ELP6: variants seen among roughly 807,000 people sequenced by gnomAD.
The protein encoded by ELP6 is elongator acetyltransferase complex subunit 6.
A neutral mutation model predicts 28.1 loss-of-function variants in ELP6; 23 were observed. The ratio of observed to expected loss-of-function variants is 0.82; its 90% confidence interval spans 0.59 to 1.16. The LOEUF is 1.16. Among genes scored for constraint, ELP6 ranks in the 50% most tolerant of loss-of-function variants. ELP6 has a pLI of 0.00. For missense variants in ELP6, 313 were observed against 334.6 expected, an observed-to-expected ratio of 0.94 and a Z score of 0.50; for synonymous variants, 132 against 135.8, an observed-to-expected ratio of 0.97 and a Z score of 0.19.
At chr3:47,513,150 C>T (rs2108148127) in intron 1 of ELP6, 1 of 886,602 alleles carries the variant, frequency 1.1e-6, no homozygotes, top group South Asian at 4.2e-5. Context: ...GCCACCACGC[C>T]CGGCTAATTT....
intron 6 of ELP6, 34 bp from the exon 7 acceptor site, chr3:47,496,231 C>A: frequency 1.2e-6 from 2 of 1,609,806 alleles, no homozygotes; most frequent in South Asian, 1.1e-5. Context: ...AGAGGAGCAG[C>A]CACCCCAGGA....
intron 5 of ELP6, chr3:47,499,742 A>G: frequency 4.0e-6 from 4 of 1,006,526 alleles, no homozygotes; most frequent in Non-Finnish European, 4.7e-6. Context: ...AAAAAGAATA[A>G]GTGGCTCCTG....
intron 3 of ELP6, among the ~76,000 whole-genome samples, chr3:47,506,056 G>C (rs1294017467): frequency 6.6e-6 from 1 of 152,176 alleles, no homozygotes; most frequent in Non-Finnish European, 1.5e-5. Context: ...ACAAAAGAGA[G>C]AAATTTTAAA....
chr3:47,509,033 G>C (rs1378347369), intron 3 of ELP6, among the ~76,000 whole-genome samples: 3 of 151,982 alleles, frequency 2.0e-5, no homozygotes, highest in African/African-American at 7.3e-5. Flanking sequence ...CAAAGTGCTG[G>C]GATTACAGGT....
At chr3:47,510,093 T>C in intron 3 of ELP6, 91 bp downstream of exon 3, 1 of 1,078,770 alleles carries the variant, frequency 9.3e-7, no homozygotes, top group Non-Finnish European at 1.4e-6. Flanking sequence ...TGCTAAGTTC[T>C]GTACAATGCA....
chr3:47,508,837 T>G (rs1050449373), intron 3 of ELP6, among the ~76,000 whole-genome samples: 8 of 149,228 alleles, frequency 5.4e-5, no homozygotes, highest in East Asian at 2.0e-4. Flanking sequence ...TGATCTCAGC[T>G]CACTGCAAGC....
chr3:47,508,544 C>T (rs1231721063), intron 3 of ELP6, among the ~76,000 whole-genome samples: 1 of 152,060 alleles, frequency 6.6e-6, no homozygotes, highest in African/African-American at 2.4e-5. Context: ...TTATCAAATG[C>T]TTTTTTTGCA....
Position 47,501,749 on chromosome 3 carries a change from C to G in ELP6, c.426G>C (p.Leu142Phe), listed in dbSNP as rs767085247. ...GEARWTYPVL[L>F]VDDLSVLLSL... ...TCAGGAGCACACTGAGGTCGTCCAC[C>G]AACAGCACCGGGTACGTCCACCGAG... Residue 142 changes from leucine (L) to phenylalanine (F), a missense_variant, in exon 5 of 7, where the codon TTG becomes TTC. Physicochemically the swap from Leu to Phe is conservative, Grantham distance 22. Coordinates refer to ENST00000296149, the MANE Select transcript of ELP6 (RefSeq NM_001031703.3). 6.2e-7 allele frequency: 1 copy of G among 1,609,486 alleles called. No homozygotes were observed. Among genetic ancestry groups the G allele is most frequent in the Non-Finnish European group, 8.5e-7 (1 of 1,178,320 alleles).
chr3:47,501,622 G>C, intron 5 of ELP6, 28 bp downstream of exon 5: 1 of 1,608,814 alleles, frequency 6.2e-7, no homozygotes, highest in Non-Finnish European at 8.5e-7. Context: ...GTCACAGGTG[G>C]GCGCAGAGAA....
At chr3:47,498,094 G>C in intron 6 of ELP6, 192 bp downstream of exon 6, 1 of 1,364,832 alleles carries the variant, frequency 7.3e-7, no homozygotes, top group Non-Finnish European at 9.7e-7. Flanking sequence ...CATGGAAAAC[G>C]TGGGCTGGTC....
chr3:47,504,468 T>C lies in ELP6; in HGVS notation c.205-20A>G. On this transcript the variant is annotated intron_variant, in intron 3 of 6. Coordinates refer to ENST00000296149, the MANE Select transcript of ELP6 (RefSeq NM_001031703.3). ...GACACCCTAAACATGAAAAAGAGAG[T>C]GAGTTACTATGCCTTGTAGGGGAAC... is the stretch of plus-strand genomic sequence containing the variant. 1 of 1,583,970 alleles carries C rather than the reference T, an allele frequency of 6.3e-7. No individual in the cohort carries two copies. Among genetic ancestry groups the C allele is most frequent in the Non-Finnish European group, 8.6e-7 (1 of 1,163,078 alleles).
chr3:47,503,814 C>T (rs1708741623), intron 4 of ELP6, among the ~76,000 whole-genome samples: 1 of 152,072 alleles, frequency 6.6e-6, no homozygotes, highest in South Asian at 2.1e-4. Context: ...TGGCGTGAAC[C>T]TGGGAGGCAG....
chr3:47,496,466 T>C (rs1465368342), intron 6 of ELP6: 2 of 982,134 alleles, frequency 2.0e-6, no homozygotes, highest in South Asian at 4.7e-5. Flanking sequence ...AAAAAGTCTT[T>C]CAGAGGAAGA....
chr3:47,508,590 C>T (rs1708916191), intron 3 of ELP6, among the ~76,000 whole-genome samples: 1 of 152,076 alleles, frequency 6.6e-6, no homozygotes, highest in Non-Finnish European at 1.5e-5. Context: ...GTTTCTTTAG[C>T]CTATTGACAT....
chr3:47,506,491 A>T (rs963883723), intron 3 of ELP6, among the ~76,000 whole-genome samples: 1 of 152,136 alleles, frequency 6.6e-6, no homozygotes, highest in Non-Finnish European at 1.5e-5. Flanking sequence ...CAGTTCAGAG[A>T]CCCACCCCCA....
At chr3:47,498,546 T>G (rs1708547810) in intron 5 of ELP6, 114 bp from the exon 6 acceptor site, 7 of 1,530,930 alleles carry the variant, frequency 4.6e-6, no homozygotes, top group Admixed American at 1.8e-5. Flanking sequence ...CAGATCACCC[T>G]CCCTGCTGCT....
At chr3:47,498,069 C>T in intron 6 of ELP6, 1 of 1,402,676 alleles carries the variant, frequency 7.1e-7, no homozygotes, top group Non-Finnish European at 9.3e-7. Context: ...CCACTTTGGT[C>T]ACAAATGGGA....
At chr3:47,497,400 G>A (rs1462628277) in intron 6 of ELP6, 8 of 948,814 alleles carry the variant, frequency 8.4e-6, no homozygotes, top group Non-Finnish European at 1.0e-5. Flanking sequence ...GCAGTGGCGC[G>A]ATCTTGGCTC....
chr3:47,499,785 T>A, intron 5 of ELP6: 1 of 1,043,492 alleles, frequency 9.6e-7, no homozygotes, highest in Non-Finnish European at 1.2e-6. Context: ...CAGGCCGGGG[T>A]CTGAGTTGGG....
Sources: allele counts gnomAD v4.1 joint callset (sites outside exome capture counted in the v4.1 genomes callset), GRCh38; gene constraint gnomAD v4.1.1; transcripts MANE v1.5; gene names NCBI Gene and HGNC (gene_info 2026-07-23, HGNC 2026-07-21).